Variants in ATG2B observed in about 807,000 individuals in gnomAD.
ATG2B encodes autophagy related 2B, also known as autophagy-related protein 2 homolog B.
A neutral mutation model predicts 241.3 loss-of-function variants in ATG2B; 121 were observed. That is an observed-to-expected ratio of 0.50 (90% CI 0.43 to 0.58). The LOEUF is 0.58. Among genes scored for constraint, ATG2B ranks in the 20% least tolerant of loss-of-function variants. The probability of loss-of-function intolerance (pLI) is 0.00; values close to 1 mark genes in which losing one functional copy is unlikely to be tolerated. For synonymous variants in ATG2B, 858 were observed against 876.6 expected, an observed-to-expected ratio of 0.98 and a Z score of 0.37; for missense variants, 2,306 against 2,491.6, an observed-to-expected ratio of 0.93 and a Z score of 1.59.
chr14:96,288,591 C>T (rs1329824106), intron 41 of ATG2B, among the ~76,000 whole-genome samples: 1 of 152,092 alleles, frequency 6.6e-6, no homozygotes, highest in African/African-American at 2.4e-5. Context: ...GCCCTACCTT[C>T]GTGGACTTCC....
rs12895443 is a variant in ATG2B, at chr14:96,280,095, G to A, written c.*5660C>T. 125,783 of 152,376 alleles carry A rather than the reference G, an allele frequency of 0.83. 52,415 individuals carry two copies. Among genetic ancestry groups the A allele is most frequent in the African/African-American group, 0.95 (39,293 of 41,572 alleles). 9.4% of individuals were successfully genotyped at this position (152,376 alleles called of 1,614,324 possible). A position where few individuals can be genotyped will look rare whatever the true frequency, so the allele number is the denominator to read the frequency against. ...CACGGGCATGCAGAACTGAACCGCT[G>A]GGGTGGCTAAGCACAGCCAGAAGAG... On this transcript the variant is annotated 3_prime_UTR_variant, in exon 42 of 42. Transcript: ENST00000359933.
chr14:96,357,371 A>G (rs749320000), intron 1 of ATG2B, among the ~76,000 whole-genome samples: 25 of 152,120 alleles, frequency 1.6e-4, no homozygotes, highest in African/African-American at 4.6e-4. Context: ...ATCTCCTGCC[A>G]CTGTTATTCA....
intron 1 of ATG2B, among the ~76,000 whole-genome samples, chr14:96,351,201 C>T (rs1324921403): frequency 1.3e-5 from 2 of 152,142 alleles, no homozygotes; most frequent in Non-Finnish European, 2.9e-5. Flanking sequence ...TGTGCCGAGC[C>T]CTGCTGAATT....
At chr14:96,324,728 A>G (rs1887546051) in intron 15 of ATG2B, among the ~76,000 whole-genome samples, 1 of 152,190 alleles carries the variant, frequency 6.6e-6, no homozygotes, top group South Asian at 2.1e-4. Flanking sequence ...CAAATGAAAA[A>G]TGGCTTTCCT....
At chr14:96,296,144 C>T (rs908483339) in intron 34 of ATG2B, among the ~76,000 whole-genome samples, 32 of 152,118 alleles carry the variant, frequency 2.1e-4, no homozygotes, top group African/African-American at 7.0e-4. Flanking sequence ...CAGTAGAGAC[C>T]GGGTTTCACC....
At position 96,311,143 on chromosome 14, in the gene ATG2B, G is replaced by C. The variant is rs756224132; in HGVS notation, c.4135C>G (p.Pro1379Ala). 3.7e-6 allele frequency: 6 copies of C among 1,613,310 alleles called. No homozygotes were observed. ...LQTPNKADMK[P>A]GAFQRRSKVD... ...TTAGACCTTCTTTGAAAGGCTCCAG[G>C]CTTCATATCTGCCTTGTTAGGTGTC... The change falls in exon 28 of 42, where the codon CCT (proline) becomes GCT (alanine). Residue 1379 changes from proline to alanine, a missense_variant. Pro to Ala is a conservative substitution (Grantham distance 27). Coordinates refer to ENST00000359933, the MANE Select transcript of ATG2B (RefSeq NM_018036.7).
chr14:96,345,897 G>A (rs1444650771), intron 2 of ATG2B, among the ~76,000 whole-genome samples: 3 of 152,030 alleles, frequency 2.0e-5, no homozygotes, highest in Admixed American at 6.5e-5. Flanking sequence ...AAAAACAGAC[G>A]ACAGGACCAA....
In ATG2B at chr14:96,313,078, A is replaced by G; in HGVS notation, c.3829T>C (p.Ser1277Pro). 6.2e-7 allele frequency: 1 copy of G among 1,610,092 alleles called. No individual in the cohort carries two copies. The highest frequency in any genetic ancestry group is 8.5e-7 in the Non-Finnish European group (1 of 1,176,572). ...VSSSVALDKSSSTLRIILDEA... is the reference protein window; with the variant it reads ...VSSSVALDKSPSTLRIILDEA... ...TTACACAGGTACCTGAGAGTAGAGG[A>G]AGATTTATCCAATGCAACGCTACTG... The change falls in exon 25 of 42, where the codon TCC (serine) becomes CCC (proline). Residue 1277 changes from serine to proline, a missense_variant. Physicochemically the swap from Ser to Pro is moderately conservative, Grantham distance 74. Around this residue, in one of 2 missense-constraint regions of ATG2B, gnomAD observed 1,927 missense variants for 2,011.2 expected, o/e 0.96. Coordinates refer to ENST00000359933, the MANE Select transcript of ATG2B (RefSeq NM_018036.7).
At chr14:96,332,229 G>T in intron 10 of ATG2B, 76 bp downstream of exon 10, 143 of 974,542 alleles carry the variant, frequency 1.5e-4, no homozygotes, top group Non-Finnish European at 1.9e-4. Context: ...AAAAAAAAAA[G>T]AAAGAAAAGC....
At chr14:96,347,417 A>C (rs1253338183) in intron 1 of ATG2B, 76 bp from the exon 2 acceptor site, 3 of 1,195,432 alleles carry the variant, frequency 2.5e-6, no homozygotes, top group Non-Finnish European at 3.5e-6. Flanking sequence ...AAAGGTGTCA[A>C]ATATGCCCAC....
In ATG2B at chr14:96,303,167, A is replaced by G; in HGVS notation, c.4931T>C (p.Ile1644Thr). The G allele has an allele frequency of 6.2e-7, 1 of 1,613,578 alleles. No homozygotes were observed. The highest frequency in any genetic ancestry group is 8.5e-7 in the Non-Finnish European group (1 of 1,179,788). Residue 1644 changes from isoleucine (I) to threonine (T), a missense_variant, in exon 33 of 42, where the codon ATT becomes ACT. Around this residue, in one of 2 missense-constraint regions of ATG2B, gnomAD observed 1,927 missense variants for 2,011.2 expected, o/e 0.96. Transcript: ENST00000359933. ...ATCTCGAATCTCAAGATCCTGAACAATGAACACCTGCCGGGAGACTGGGTG... is the reference window on the plus strand; with the variant it reads ...ATCTCGAATCTCAAGATCCTGAACAGTGAACACCTGCCGGGAGACTGGGTG... ...SEHPVSRQVF[I>T]VQDLEIRDRL...
intron 21 of ATG2B, among the ~76,000 whole-genome samples, chr14:96,315,928 G>T (rs1377723267): frequency 6.6e-6 from 1 of 152,118 alleles, no homozygotes; most frequent in African/African-American, 2.4e-5. Flanking sequence ...CCTTAAAGAA[G>T]AATAAAGAAC....
At chr14:96,353,609 C>T (rs1888392608) in intron 1 of ATG2B, among the ~76,000 whole-genome samples, 1 of 150,580 alleles carries the variant, frequency 6.6e-6, no homozygotes, top group Admixed American at 6.7e-5. Context: ...CAGGGCGAAA[C>T]AGTGAGAATC....
chr14:96,359,832 G>A (rs1888576640), intron 1 of ATG2B, among the ~76,000 whole-genome samples: 4 of 152,292 alleles, frequency 2.6e-5, no homozygotes, highest in South Asian at 4.1e-4. Context: ...GATTCATAAG[G>A]ATGTGAGAGG....
intron 1 of ATG2B, among the ~76,000 whole-genome samples, chr14:96,355,828 T>A (rs566229355): frequency 1.3e-5 from 2 of 152,254 alleles, no homozygotes; most frequent in East Asian, 3.9e-4. Context: ...TCTTTATTAG[T>A]TTAAACCAAG....
chr14:96,345,148 T>C (rs1566733481), intron 3 of ATG2B, 85 bp downstream of exon 3: 1 of 980,878 alleles, frequency 1.0e-6, no homozygotes. Flanking sequence ...TTCCAATGGA[T>C]TTGCCTTATA....
intron 8 of ATG2B, among the ~76,000 whole-genome samples, chr14:96,333,176 C>T (rs1887784639): frequency 1.3e-5 from 2 of 152,068 alleles, no homozygotes; most frequent in Admixed American, 6.6e-5. Flanking sequence ...ACATTCCATA[C>T]TTAAATTGAT....
intron 18 of ATG2B, among the ~76,000 whole-genome samples, chr14:96,320,868 C>T (rs1320495607): frequency 6.6e-6 from 1 of 152,098 alleles, no homozygotes; most frequent in Non-Finnish European, 1.5e-5. Flanking sequence ...AGAGATCAGT[C>T]ATTTTGAAAC....
chr14:96,348,896 C>A (rs1888241241), intron 1 of ATG2B, among the ~76,000 whole-genome samples: 1 of 152,004 alleles, frequency 6.6e-6, no homozygotes, highest in Admixed American at 6.6e-5. Flanking sequence ...TATATACCTA[C>A]TATGTACCCA....
Sources: gnomAD v4.1 joint callset for allele counts (sites outside exome capture counted in the v4.1 genomes callset) on GRCh38, gnomAD v4.1.1 for gene constraint, gnomAD v4.1.1 regional missense constraint, MANE v1.5 for transcripts, NCBI Gene and HGNC (gene_info 2026-07-23, HGNC 2026-07-21) for gene names.